Variants in IGF1R observed in about 807,000 individuals in gnomAD.
IGF1R encodes insulin like growth factor 1 receptor.
IGF1R carries 44 observed loss-of-function variants against 144.6 expected under a neutral mutation model. The ratio of observed to expected loss-of-function variants is 0.30; its 90% CI spans 0.24 to 0.39. The LOEUF is 0.39. IGF1R is among the 10% of genes least tolerant of loss of function. IGF1R has a pLI of 1.00. For synonymous variants in IGF1R, 795 were observed against 722.8 expected (o/e 1.10, Z -1.60); for missense variants, 1,355 against 1,833.7 (o/e 0.74, Z 4.77).
chr15:98,880,230 T>G (rs1354297651), intron 2 of IGF1R, among the ~76,000 whole-genome samples: 3 of 152,216 alleles, frequency 2.0e-5, no homozygotes, highest in Non-Finnish European at 4.4e-5. Flanking sequence ...TTCCTGAGCC[T>G]CCTTCTCAGC....
At chr15:98,795,412 T>A (rs79814284) in intron 2 of IGF1R, among the ~76,000 whole-genome samples, 1 of 149,434 alleles carries the variant, frequency 6.7e-6, no homozygotes, top group Non-Finnish European at 1.5e-5. Flanking sequence ...TTTTTTGTTT[T>A]GTTTTGTTTT....
chr15:98,665,663 G>A (rs548259477), intron 1 of IGF1R, among the ~76,000 whole-genome samples: 91 of 152,306 alleles, frequency 6.0e-4, no homozygotes, highest in African/African-American at 2.0e-3. Context: ...ATTGAATGTG[G>A]AGAACCCTGA....
Position 98,959,904 on chromosome 15 carries a change from T to G in IGF1R, c.*2462T>G. Reference sequence around the variant, plus strand: ...GTAGGAGTTTTCTTTTAATTTATTTTGTGATAAATTACCAGTTTCAATCAC... The same window carrying G: ...GTAGGAGTTTTCTTTTAATTTATTTGGTGATAAATTACCAGTTTCAATCAC... On this transcript the variant is annotated 3_prime_UTR_variant, in exon 21 of 21. Coordinates refer to ENST00000650285, the MANE Select transcript of IGF1R (RefSeq NM_000875.5). The G allele has an allele frequency of 4.3e-6, 1 of 233,252 alleles. No individual in the cohort carries two copies. The highest frequency in any genetic ancestry group is 8.5e-6 in the Non-Finnish European group (1 of 118,062). The allele number at this position is 233,252 out of a possible 1,614,324, so 14.4% of individuals were successfully genotyped here. A position where few individuals can be genotyped will look rare whatever the true frequency, so the allele number is the denominator to read the frequency against.
At chr15:98,699,156 C>A (rs559988590) in intron 1 of IGF1R, among the ~76,000 whole-genome samples, 2 of 152,306 alleles carry the variant, frequency 1.3e-5, no homozygotes, top group African/African-American at 4.8e-5. Flanking sequence ...TGGGCCTTGC[C>A]CCAGCTTGGC....
At chr15:98,765,327 T>C (rs1206134866) in intron 2 of IGF1R, among the ~76,000 whole-genome samples, 63 of 136,078 alleles carry the variant, frequency 4.6e-4, no homozygotes, top group South Asian at 1.8e-3. Context: ...TTTTTTTTTT[T>C]TTTTTTTTTG....
chr15:98,653,841 C>T (rs764081557), intron 1 of IGF1R, among the ~76,000 whole-genome samples: 17 of 152,152 alleles, frequency 1.1e-4, no homozygotes, highest in Admixed American at 6.5e-5. Context: ...CACTTGTTGC[C>T]TTAGAGTTTT....
intron 2 of IGF1R, among the ~76,000 whole-genome samples, chr15:98,829,154 C>T (rs1025396939): frequency 6.6e-5 from 10 of 152,084 alleles, no homozygotes; most frequent in African/African-American, 1.9e-4. Flanking sequence ...TTACCAAGTC[C>T]GGCTGAAAGA....
chr15:98,851,663 C>A (rs2011534650), intron 2 of IGF1R, among the ~76,000 whole-genome samples: 1 of 152,112 alleles, frequency 6.6e-6, no homozygotes, highest in African/African-American at 2.4e-5. Flanking sequence ...GGGAAGTTTC[C>A]CCTGGCTGGG....
At chr15:98,883,946 C>A (rs1567176796) in intron 2 of IGF1R, among the ~76,000 whole-genome samples, 2 of 152,126 alleles carry the variant, frequency 1.3e-5, no homozygotes. Flanking sequence ...CCTTTAGGCC[C>A]TTGGTACCAT....
At position 98,880,470 on chromosome 15, in the gene IGF1R, C is replaced by A. The variant is rs1028714250; in HGVS notation, c.641-10855C>A. Among the ~76,000 whole-genome samples the A allele has an allele frequency of 2.6e-5, 4 of 152,296 alleles. No individual in the cohort carries two copies. The East Asian group carries it at 5.8e-4, about 22-fold the overall frequency. On this transcript the variant is annotated intron_variant, in intron 2 of 20. Coordinates refer to ENST00000650285, the MANE Select transcript of IGF1R (RefSeq NM_000875.5). Reference sequence around the variant, plus strand: ...AGTGGGCACTGTCAGGCAATTATTTCTTTTGCTCATTAATTAAGTGTTCAC... The same window carrying A: ...AGTGGGCACTGTCAGGCAATTATTTATTTTGCTCATTAATTAAGTGTTCAC...
intron 2 of IGF1R, among the ~76,000 whole-genome samples, chr15:98,833,450 G>A (rs2715436): frequency 0.015 from 2,312 of 152,252 alleles, 24 homozygotes; most frequent in Non-Finnish European, 0.023. Flanking sequence ...GCTATTTTGT[G>A]GAAGTGAGCG....
chr15:98,778,614 G>A (rs1471297840), intron 2 of IGF1R, among the ~76,000 whole-genome samples: 1 of 152,214 alleles, frequency 6.6e-6, no homozygotes, highest in Non-Finnish European at 1.5e-5. Flanking sequence ...GGCCTGGGTG[G>A]CCATATCCTG....
At chr15:98,808,703 A>AG (rs544870862) in intron 2 of IGF1R, among the ~76,000 whole-genome samples, 157 of 149,618 alleles carry the variant, frequency 1.0e-3, no homozygotes, top group African/African-American at 3.8e-3. Context: ...TTGAAGAGAC[A>AG]GGGTCTTGCC....
At position 98,961,238 on chromosome 15, in the gene IGF1R, G is replaced by A; in HGVS notation, c.*3796G>A. 1 of 233,588 alleles carries A rather than the reference G, an allele frequency of 4.3e-6. No individual in the cohort carries two copies. Among genetic ancestry groups the A allele is most frequent in the Non-Finnish European group, 8.5e-6 (1 of 117,970 alleles). The allele number at this position is 233,588 out of a possible 1,614,324, so 14.5% of individuals were successfully genotyped here. On this transcript the variant is annotated 3_prime_UTR_variant, in exon 21 of 21. Transcript: ENST00000650285. Reference sequence around the variant, plus strand: ...TCTCCTCTCGTGCACATACCTACCGGTTTCCACAACTGGATTTCTACAGAT... The same window carrying A: ...TCTCCTCTCGTGCACATACCTACCGATTTCCACAACTGGATTTCTACAGAT...
At position 98,924,026 on chromosome 15, in the gene IGF1R, A is replaced by G. The variant is rs2151693562; in HGVS notation, c.2622+14A>G. ...TCACAAGTTGAGGTAGGACTGGGGC[A>G]GTGGCCCGTGCCTGCATGTACTTCC... On this transcript the variant is annotated intron_variant, in intron 12 of 20. Transcript: ENST00000650285. 1.2e-6 allele frequency: 2 copies of G among 1,612,884 alleles called. No homozygotes were observed. Among genetic ancestry groups the G allele is most frequent in the South Asian group, 1.1e-5 (1 of 91,040 alleles).
intron 2 of IGF1R, among the ~76,000 whole-genome samples, chr15:98,869,416 CCTGGCTCCCTTGAGATTCTTT>C (rs1209406494): frequency 2.7e-5 from 4 of 150,848 alleles, no homozygotes. Flanking sequence ...CTTCCTGGAA[CCTGGCTCCCTTGAGATTCTTT>C]TTTTTTTTTT....
intron 1 of IGF1R, among the ~76,000 whole-genome samples, chr15:98,691,266 C>T (rs2053468410): frequency 6.6e-6 from 1 of 152,122 alleles, no homozygotes. Context: ...GACAGGGTCT[C>T]AGACTTTCCT....
chr15:98,757,550 T>A (rs959290966), intron 2 of IGF1R, among the ~76,000 whole-genome samples: 5 of 152,152 alleles, frequency 3.3e-5, no homozygotes, highest in Non-Finnish European at 4.4e-5. Flanking sequence ...TCAATATGTG[T>A]AATTTTTTTA....
intron 2 of IGF1R, among the ~76,000 whole-genome samples, chr15:98,886,253 G>A (rs1191366977): frequency 6.6e-6 from 1 of 152,162 alleles, no homozygotes; most frequent in Non-Finnish European, 1.5e-5. Context: ...GAGAGGGAGA[G>A]AGTTAAAGGC....
Sources: gnomAD v4.1 joint callset for allele counts (sites outside exome capture counted in the v4.1 genomes callset) on GRCh38, gnomAD v4.1.1 for gene constraint, MANE v1.5 for transcripts, NCBI Gene and HGNC (gene_info 2026-07-23, HGNC 2026-07-21) for gene names.